The following FAM20B variants were observed in gnomAD, a reference collection of about 807,000 sequenced individuals.
The protein encoded by FAM20B is glycosaminoglycan xylosylkinase.
A neutral mutation model predicts 43.8 loss-of-function variants in FAM20B; 23 were observed. The ratio of observed to expected loss-of-function variants is 0.53; its 90% CI spans 0.38 to 0.74. The LOEUF (loss-of-function observed/expected upper bound fraction) is 0.74, where lower values mean the gene tolerates loss of function less well. FAM20B is among the 30% of genes least tolerant of loss of function. The pLI is 0.00. For missense variants in FAM20B, 440 were observed against 510.5 expected (o/e 0.86, Z 1.33); for synonymous variants, 178 against 192.4 (o/e 0.93, Z 0.62).
upstream of FAM20B, among the ~76,000 whole-genome samples, chr1:179,022,708 G>A (rs74129733): frequency 0.021 from 3,242 of 152,258 alleles, 134 homozygotes; most frequent in African/African-American, 0.075. Flanking sequence ...TTCCTTTCAA[G>A]CATTGCATGG....
chr1:179,024,491 T>A (rs1000757598), upstream of FAM20B, among the ~76,000 whole-genome samples: 2 of 152,242 alleles, frequency 1.3e-5, no homozygotes, highest in African/African-American at 2.4e-5. Flanking sequence ...GGCAGACTGA[T>A]CTTCCTGTGC....
At chr1:179,063,607 A>C (rs554030908) in intron 4 of FAM20B, among the ~76,000 whole-genome samples, 139 of 152,282 alleles carry the variant, frequency 9.1e-4, no homozygotes, top group African/African-American at 3.3e-3. Context: ...ACAACAACAA[A>C]AACAAAACAA....
chr1:179,040,432 G>T (rs1162278762), intron 1 of FAM20B, among the ~76,000 whole-genome samples: 1 of 150,770 alleles, frequency 6.6e-6, no homozygotes, highest in African/African-American at 2.4e-5. Flanking sequence ...CCCAGTAGGG[G>T]CGGCCGGGCA....
intron 7 of FAM20B, among the ~76,000 whole-genome samples, chr1:179,067,368 G>A (rs1044680364): frequency 2.0e-4 from 30 of 152,194 alleles, no homozygotes; most frequent in Non-Finnish European, 1.2e-4. Context: ...AATTTGGGAG[G>A]CCAAGGTGGG....
At chr1:179,041,513 A>C (rs1238469243) in intron 1 of FAM20B, among the ~76,000 whole-genome samples, 1 of 152,212 alleles carries the variant, frequency 6.6e-6, no homozygotes, top group African/African-American at 2.4e-5. Context: ...AAAACCAGTC[A>C]GGTGTGGCAG....
intron 1 of FAM20B, among the ~76,000 whole-genome samples, chr1:179,026,352 G>A (rs926395744): frequency 2.0e-5 from 3 of 151,922 alleles, no homozygotes; most frequent in Non-Finnish European, 4.4e-5. Context: ...CCTGTGTGCG[G>A]TCGCGGCTGA....
At chr1:179,054,399 A>G (rs1651125441) in intron 3 of FAM20B, 130 bp from the exon 4 acceptor site, 1 of 564,662 alleles carries the variant, frequency 1.8e-6, no homozygotes, top group African/African-American at 1.9e-5. Flanking sequence ...TGTACCTCTA[A>G]AAAATTAGGT....
chr1:179,069,734 C>T (rs1651836541), intron 7 of FAM20B, among the ~76,000 whole-genome samples: 1 of 152,116 alleles, frequency 6.6e-6, no homozygotes, highest in Admixed American at 6.5e-5. Flanking sequence ...AACTTAGTCT[C>T]ACAGAGGAAG....
chr1:179,044,255 T>A, intron 2 of FAM20B, 31 bp downstream of exon 2: 3 of 1,561,346 alleles, frequency 1.9e-6, no homozygotes, highest in Non-Finnish European at 2.6e-6. Flanking sequence ...CTGCATGTGC[T>A]AGTTGGTTGA....
Position 179,074,076 on chromosome 1 carries a change from GT to G in FAM20B, c.*1936del, listed in dbSNP as rs1435469305. On this transcript the variant is annotated 3_prime_UTR_variant, in exon 8 of 8. Coordinates refer to ENST00000263733, the MANE Select transcript of FAM20B (RefSeq NM_014864.4). ...AAAACAGCTTTAGAATTTATGCCCAGTTTTCTTGCATTGAAAGATAACTGAG... is the reference window on the plus strand; with the variant it reads ...AAAACAGCTTTAGAATTTATGCCCAGTTTCTTGCATTGAAAGATAACTGAG... The G allele has an allele frequency of 6.6e-6, 1 of 152,636 alleles. No homozygotes were observed. Among genetic ancestry groups the G allele is most frequent in the Admixed American group, 6.5e-5 (1 of 15,286 alleles). The allele number at this position is 152,636 out of a possible 1,614,324, so 9.5% of individuals were successfully genotyped here. A position where few individuals can be genotyped will look rare whatever the true frequency, so the allele number is the denominator to read the frequency against.
At chr1:179,046,159 G>C (rs1341695983) in intron 2 of FAM20B, among the ~76,000 whole-genome samples, 1 of 152,160 alleles carries the variant, frequency 6.6e-6, no homozygotes, top group Non-Finnish European at 1.5e-5. Context: ...ATTTGTTAGA[G>C]TTGTAAACAG....
chr1:179,040,017 CAGCACATGTTTCAG>C (rs1395046110), intron 1 of FAM20B, among the ~76,000 whole-genome samples: 1 of 152,186 alleles, frequency 6.6e-6, no homozygotes, highest in Non-Finnish European at 1.5e-5. Flanking sequence ...TGAGTGGACA[CAGCACATGTTTCAG>C]AGAGCACAGG....
upstream of FAM20B, among the ~76,000 whole-genome samples, chr1:179,024,076 G>A (rs530186219): frequency 1.3e-5 from 2 of 152,242 alleles, no homozygotes; most frequent in South Asian, 4.1e-4. Context: ...CAATTTTGTC[G>A]TCTGAAAGCC....
At position 179,039,886 on chromosome 1, in the gene FAM20B, G is replaced by T. The variant is rs528594651; in HGVS notation, c.-133-3829G>T. 2.6e-5 allele frequency among the ~76,000 whole-genome samples: 4 copies of T among 152,042 alleles called. No individual in the cohort carries two copies. The East Asian group carries it at 7.7e-4, about 29-fold the overall frequency. On this transcript the variant is annotated intron_variant, in intron 1 of 7. Transcript: ENST00000263733. ...TAGGCAGAGGACCCTGCGGCCTTCC[G>T]CAGTGTTTGTGTCCCTGGGTACTTG...
chr1:179,051,290 G>C (rs1650996136), intron 3 of FAM20B, among the ~76,000 whole-genome samples: 1 of 151,806 alleles, frequency 6.6e-6, no homozygotes, highest in African/African-American at 2.4e-5. Context: ...AGGCCATATT[G>C]GCTGACTTTA....
the FAM20B span, among the ~76,000 whole-genome samples, chr1:179,017,796 C>CTG: frequency 6.6e-6 from 1 of 152,126 alleles, no homozygotes; most frequent in African/African-American, 2.4e-5. Context: ...CACAGAAAGA[C>CTG]TGTGTATAAT....
At chr1:179,066,413 GT>G (rs1417027101) in intron 6 of FAM20B, among the ~76,000 whole-genome samples, 2 of 152,030 alleles carry the variant, frequency 1.3e-5, no homozygotes, top group Non-Finnish European at 2.9e-5. Context: ...TCATCTGCTT[GT>G]TTGTGGGAAT....
At chr1:179,041,340 C>T (rs556104343) in intron 1 of FAM20B, among the ~76,000 whole-genome samples, 3 of 152,262 alleles carry the variant, frequency 2.0e-5, no homozygotes, top group South Asian at 4.1e-4. Context: ...GCCGAGATCA[C>T]GCCACTGCAC....
In FAM20B at chr1:179,075,540, CAA is replaced by C. The variant is rs747875960; in HGVS notation, c.*3398_*3399del. 2.0e-5 allele frequency: 3 copies of C among 152,458 alleles called. No homozygotes were observed. The highest frequency in any genetic ancestry group is 4.4e-5 in the Non-Finnish European group (3 of 68,010). The allele number at this position is 152,458 out of a possible 1,614,324, so 9.4% of individuals were successfully genotyped here. A position where few individuals can be genotyped will look rare whatever the true frequency, so the allele number is the denominator to read the frequency against. ...AATGTAAATAATTTTCTGTGTAAAA[CAA>C]ATTCATAGGATCTGATTTGCTCAGA... On this transcript the variant is annotated 3_prime_UTR_variant, in exon 8 of 8. Transcript: ENST00000263733.
Sources: allele counts gnomAD v4.1 joint callset (sites outside exome capture counted in the v4.1 genomes callset), GRCh38; gene constraint gnomAD v4.1.1; transcripts MANE v1.5; gene names NCBI Gene and HGNC (gene_info 2026-07-23, HGNC 2026-07-21).